Variants in FARS2 observed in about 807,000 individuals in gnomAD.
FARS2 encodes phenylalanyl-tRNA synthetase 2, mitochondrial.
A neutral mutation model predicts 46.4 loss-of-function variants in FARS2; 40 were observed. That is an observed-to-expected ratio of 0.86 (90% CI 0.67 to 1.12). The LOEUF (loss-of-function observed/expected upper bound fraction) is 1.12. FARS2 is among the 50% of genes most tolerant of loss of function. The pLI is 0.00. For missense variants in FARS2, 513 were observed against 567.9 expected (o/e 0.90, Z 0.98); for synonymous variants, 234 against 214.9 (o/e 1.09, Z -0.78).
intron 6 of FARS2, among the ~76,000 whole-genome samples, chr6:5,686,433 A>G (rs1387782068): frequency 4.0e-5 from 6 of 151,246 alleles, no homozygotes; most frequent in African/African-American, 1.2e-4. Context: ...ATTCCCACCT[A>G]TGAGTGAGAA....
intron 6 of FARS2, among the ~76,000 whole-genome samples, chr6:5,657,841 C>G (rs1208043674): frequency 1.3e-5 from 2 of 152,166 alleles, no homozygotes; most frequent in Non-Finnish European, 2.9e-5. Flanking sequence ...TGGAGGCTCG[C>G]AGGCAGATTG....
intron 4 of FARS2, among the ~76,000 whole-genome samples, chr6:5,432,077 G>C (rs2127769698): frequency 6.7e-6 from 1 of 150,304 alleles, no homozygotes; most frequent in Non-Finnish European, 1.5e-5. Context: ...CAGCACTTTG[G>C]GAGGCTGAGG....
rs373669235 is a variant in FARS2, at chr6:5,589,218, G to A, written c.1066-23951G>A. 1.3e-4 allele frequency among the ~76,000 whole-genome samples: 20 copies of A among 152,228 alleles called. 1 individual carries two copies. Among genetic ancestry groups the A allele is most frequent in the East Asian group, 1.2e-3 (6 of 5,178 alleles). ...GTCCTAGGTCCCCCAACCCCAGTTC[G>A]GCTGCTTCCTAACTTAACCCTGGGC... On this transcript the variant is annotated intron_variant, in intron 5 of 6. Coordinates refer to ENST00000274680, the MANE Select transcript of FARS2 (RefSeq NM_006567.5).
chr6:5,691,064 A>G (rs186177065), intron 6 of FARS2, among the ~76,000 whole-genome samples: 1 of 152,046 alleles, frequency 6.6e-6, no homozygotes, highest in Non-Finnish European at 1.5e-5. Context: ...ACTTCCCTGC[A>G]TTGGTTATTC....
At chr6:5,607,689 C>A (rs1774922464) in intron 5 of FARS2, among the ~76,000 whole-genome samples, 1 of 152,112 alleles carries the variant, frequency 6.6e-6, no homozygotes, top group Non-Finnish European at 1.5e-5. Context: ...CATGCCCCCT[C>A]CTCGCCTGGC....
chr6:5,627,086 T>C (rs959758702), intron 6 of FARS2, among the ~76,000 whole-genome samples: 3 of 152,268 alleles, frequency 2.0e-5, no homozygotes, highest in African/African-American at 7.2e-5. Flanking sequence ...AATGTGTTGC[T>C]CTGTGACTTT....
At position 5,343,667 on chromosome 6, in the gene FARS2, C is replaced by T. The variant is rs955134941; in HGVS notation, c.-21-24883C>T. The stretch of plus-strand genomic sequence containing the variant: ...CTTCTGTACATTAAGTTTTTATCAC[C>T]TTTAACAGGAATGTGTCGTGACTGA... On this transcript the variant is annotated intron_variant, in intron 1 of 6. Coordinates refer to ENST00000274680, the MANE Select transcript of FARS2 (RefSeq NM_006567.5). The surrounding 1 kb of genome is among the most constrained non-coding windows in gnomAD (Gnocchi z 4.5). Among the ~76,000 whole-genome samples, 2 of 152,122 alleles carry T rather than the reference C, an allele frequency of 1.3e-5. No individual in the cohort carries two copies. The highest frequency in any genetic ancestry group is 4.8e-5 in the African/African-American group (2 of 41,418).
intron 2 of FARS2, among the ~76,000 whole-genome samples, chr6:5,378,173 C>T (rs199673096): frequency 1.3e-5 from 2 of 152,184 alleles, no homozygotes; most frequent in East Asian, 3.9e-4. Flanking sequence ...TAAACATAAT[C>T]ATGCTCATTC....
chr6:5,647,566 T>A (rs935539558), intron 6 of FARS2, among the ~76,000 whole-genome samples: 1 of 152,230 alleles, frequency 6.6e-6, no homozygotes, highest in African/African-American at 2.4e-5. Context: ...AGGATTTCTG[T>A]ATCAAAATGG....
intron 4 of FARS2, among the ~76,000 whole-genome samples, chr6:5,441,695 A>G (rs926184568): frequency 1.3e-5 from 2 of 152,206 alleles, no homozygotes; most frequent in African/African-American, 2.4e-5. Context: ...GCTATTACAA[A>G]TGCTACTGCT....
intron 5 of FARS2, among the ~76,000 whole-genome samples, chr6:5,555,042 C>T (rs781364652): frequency 2.0e-4 from 31 of 152,070 alleles, no homozygotes; most frequent in Non-Finnish European, 3.2e-4. Context: ...ATAATTCCCA[C>T]GTGTTGTGGG....
At chr6:5,592,230 A>G (rs1416004008) in intron 5 of FARS2, among the ~76,000 whole-genome samples, 1 of 152,146 alleles carries the variant, frequency 6.6e-6, no homozygotes, top group Non-Finnish European at 1.5e-5. Flanking sequence ...ACAAAAAAAT[A>G]CAAAAATTAG....
At chr6:5,571,062 G>A (rs1180644681) in intron 5 of FARS2, among the ~76,000 whole-genome samples, 3 of 152,086 alleles carry the variant, frequency 2.0e-5, no homozygotes, top group African/African-American at 7.2e-5. Flanking sequence ...TCACTCAAAC[G>A]GTTATTCATT....
intron 4 of FARS2, among the ~76,000 whole-genome samples, chr6:5,439,376 C>T (rs904882535): frequency 1.3e-5 from 2 of 152,244 alleles, no homozygotes; most frequent in African/African-American, 2.4e-5. Context: ...AGACAGGCTT[C>T]TCTTTGAGTT....
intron 6 of FARS2, among the ~76,000 whole-genome samples, chr6:5,640,783 G>T (rs1374121097): frequency 1.3e-5 from 2 of 152,208 alleles, no homozygotes; most frequent in East Asian, 3.8e-4. Context: ...TGCTATTTCT[G>T]TAAACTAATG....
intron 1 of FARS2, among the ~76,000 whole-genome samples, chr6:5,285,205 C>A (rs1204305184): frequency 6.6e-6 from 1 of 152,148 alleles, no homozygotes; most frequent in Non-Finnish European, 1.5e-5. Flanking sequence ...GGTGCAGAAG[C>A]AGTCAGGGTG....
At chr6:5,491,034 C>A (rs762637051) in intron 4 of FARS2, among the ~76,000 whole-genome samples, 1 of 152,208 alleles carries the variant, frequency 6.6e-6, no homozygotes, top group East Asian at 1.9e-4. Flanking sequence ...AATTTGTTTA[C>A]ACATCAATAG....
At chr6:5,305,581 C>T (rs1220523961) in intron 1 of FARS2, among the ~76,000 whole-genome samples, 2 of 152,134 alleles carry the variant, frequency 1.3e-5, no homozygotes, top group African/African-American at 2.4e-5. Flanking sequence ...AATGAGACCT[C>T]CTTGTTTTAT....
intron 5 of FARS2, chr6:5,610,238 G>T (rs1582577134): frequency 3.9e-6 from 2 of 517,932 alleles, no homozygotes; most frequent in South Asian, 4.0e-5. Context: ...TGTTTTTTCA[G>T]CAGCATCCAC....
Sources: allele counts gnomAD v4.1 joint callset (sites outside exome capture counted in the v4.1 genomes callset), GRCh38; gene constraint gnomAD v4.1.1; non-coding constraint Gnocchi (gnomAD v3.1); transcripts MANE v1.5; gene names NCBI Gene and HGNC (gene_info 2026-07-23, HGNC 2026-07-21).